CCSER1: variants seen among roughly 807,000 people sequenced by gnomAD.
CCSER1 encodes the protein coiled-coil serine rich protein 1.
A neutral mutation model predicts 82.0 loss-of-function variants in CCSER1; 41 were observed. The ratio of observed to expected loss-of-function variants is 0.50; its 90% CI spans 0.39 to 0.65. The LOEUF (loss-of-function observed/expected upper bound fraction) is 0.65. Among genes scored for constraint, CCSER1 ranks in the 30% least tolerant of loss-of-function variants. The pLI is 0.00. For synonymous variants in CCSER1, 414 were observed against 383.9 expected, an observed-to-expected ratio of 1.08 and a Z score of -0.92; for missense variants, 1,119 against 1,064.2, an observed-to-expected ratio of 1.05 and a Z score of -0.72.
chr4:91,395,335 A>G (rs1001621527), intron 10 of CCSER1, among the ~76,000 whole-genome samples: 5 of 152,102 alleles, frequency 3.3e-5, no homozygotes, highest in Admixed American at 6.6e-5. Context: ...ATGTGACTAT[A>G]TCAAGAGAGT....
chr4:91,550,832 G>A (rs1428644844), intron 10 of CCSER1, among the ~76,000 whole-genome samples: 1 of 152,138 alleles, frequency 6.6e-6, no homozygotes, highest in African/African-American at 2.4e-5. Context: ...CTCTGAATAT[G>A]CGCAAAGCAA....
intron 7 of CCSER1, among the ~76,000 whole-genome samples, chr4:90,759,281 G>A (rs1447379178): frequency 6.6e-6 from 1 of 152,194 alleles, no homozygotes; most frequent in Non-Finnish European, 1.5e-5. Context: ...CAAGAATGAC[G>A]TTTTATTTAT....
intron 10 of CCSER1, among the ~76,000 whole-genome samples, chr4:91,137,617 C>T (rs1728612650): frequency 7.0e-6 from 1 of 143,158 alleles, no homozygotes; most frequent in South Asian, 2.4e-4. Context: ...AACTAGTTTA[C>T]AGTCCCACCA....
At chr4:91,449,546 T>C (rs898814726) in intron 10 of CCSER1, among the ~76,000 whole-genome samples, 2 of 152,020 alleles carry the variant, frequency 1.3e-5, no homozygotes, top group Admixed American at 6.6e-5. Context: ...CTGAGCTCTG[T>C]TTAGGTTCCT....
intron 10 of CCSER1, among the ~76,000 whole-genome samples, chr4:91,286,339 A>G (rs1231730532): frequency 6.6e-6 from 1 of 151,858 alleles, no homozygotes; most frequent in East Asian, 1.9e-4. Flanking sequence ...AGGTTTGGTT[A>G]GTATTTTCCA....
intron 5 of CCSER1, among the ~76,000 whole-genome samples, chr4:90,496,971 C>CAAAAAAAAAAAAAAAAAA (rs771281710): frequency 4.0e-4 from 22 of 55,072 alleles, no homozygotes; most frequent in South Asian, 8.0e-4. Flanking sequence ...AGCGAGACTA[C>CAAAAAAAAAAAAAAAAAA]AAAAAAAAAA....
intron 7 of CCSER1, chr4:90,725,026 G>C (rs996373143): frequency 6.9e-6 from 3 of 437,474 alleles, no homozygotes; most frequent in African/African-American, 4.0e-5. Flanking sequence ...TTGTTAGAAG[G>C]CCCTTTCTAT....
At chr4:90,923,794 A>G (rs1203865977) in intron 9 of CCSER1, among the ~76,000 whole-genome samples, 1 of 152,244 alleles carries the variant, frequency 6.6e-6, no homozygotes, top group African/African-American at 2.4e-5. Flanking sequence ...TAAAGTTACT[A>G]TGTTTGTAAT....
chr4:90,352,758 T>G (rs1489691214), intron 3 of CCSER1, among the ~76,000 whole-genome samples: 1 of 152,084 alleles, frequency 6.6e-6, no homozygotes, highest in Non-Finnish European at 1.5e-5. Flanking sequence ...TGAATAACTG[T>G]TTTTCCTGTA....
chr4:90,516,616 A>ACC (rs1772311996), intron 5 of CCSER1, among the ~76,000 whole-genome samples: 1 of 152,162 alleles, frequency 6.6e-6, no homozygotes, highest in Admixed American at 6.5e-5. Flanking sequence ...TTCATCTCCT[A>ACC]ATGAGGCTGA....
intron 6 of CCSER1, among the ~76,000 whole-genome samples, chr4:90,685,645 A>G (rs906532926): frequency 3.3e-5 from 5 of 152,146 alleles, no homozygotes; most frequent in African/African-American, 1.2e-4. Context: ...CTTTCCATCA[A>G]TTTAGACAGT....
At chr4:91,209,875 A>G in intron 10 of CCSER1, among the ~76,000 whole-genome samples, 1 of 151,912 alleles carries the variant, frequency 6.6e-6, no homozygotes, top group South Asian at 2.1e-4. Flanking sequence ...ACATACCTAC[A>G]TACATATACT....
chr4:91,486,714 TCG>T (rs1758240231), intron 10 of CCSER1, among the ~76,000 whole-genome samples: 1 of 152,070 alleles, frequency 6.6e-6, no homozygotes, highest in Non-Finnish European at 1.5e-5. Context: ...GTTTGAGAGG[TCG>T]TGGATAGATT....
intron 8 of CCSER1, among the ~76,000 whole-genome samples, chr4:90,837,945 T>C (rs1053995630): frequency 6.6e-6 from 1 of 152,142 alleles, no homozygotes; most frequent in Non-Finnish European, 1.5e-5. Context: ...GGTGCTTAGT[T>C]TTTTTAGAAT....
chr4:91,082,815 C>T (rs1722926849), intron 9 of CCSER1, among the ~76,000 whole-genome samples: 1 of 152,174 alleles, frequency 6.6e-6, no homozygotes, highest in African/African-American at 2.4e-5. Context: ...AAAAAATGCT[C>T]ATCATCACTG....
At chr4:90,538,771 G>A (rs976294010) in intron 5 of CCSER1, among the ~76,000 whole-genome samples, 10 of 151,888 alleles carry the variant, frequency 6.6e-5, no homozygotes, top group South Asian at 6.2e-4. Context: ...TTGTCTCCAC[G>A]AGAGTTAATT....
chr4:91,496,742 TATATATTTGA>T lies in CCSER1; in HGVS notation c.2218-101823_2218-101814del, dbSNP rs1244881213. 1.0e-3 allele frequency among the ~76,000 whole-genome samples: 53 copies of T among 52,480 alleles called. 12 individuals carry two copies. The highest frequency in any genetic ancestry group is 1.7e-3 in the African/African-American group (30 of 18,128). The allele number at this position is 52,480 out of a possible 152,430, so 34.4% of individuals were successfully genotyped here. ...ATATAGAATATATATATATATTGAA[TATATATTTGA>T]ATATATATATATTCAATATATATTG... On this transcript the variant is annotated intron_variant, in intron 10 of 10. Transcript: ENST00000509176.
intron 10 of CCSER1, among the ~76,000 whole-genome samples, chr4:91,432,600 ATATCTC>A (rs1261578137): frequency 6.6e-6 from 1 of 152,140 alleles, no homozygotes; most frequent in Non-Finnish European, 1.5e-5. Flanking sequence ...GGTGAAAAAA[ATATCTC>A]TATGTAGATT....
At chr4:91,065,804 T>C (rs1720752822) in intron 9 of CCSER1, among the ~76,000 whole-genome samples, 1 of 152,138 alleles carries the variant, frequency 6.6e-6, no homozygotes, top group Non-Finnish European at 1.5e-5. Context: ...TTTCACCGAA[T>C]CATACTGAAA....
Sources: allele counts gnomAD v4.1 joint callset (sites outside exome capture counted in the v4.1 genomes callset), GRCh38; gene constraint gnomAD v4.1.1; transcripts MANE v1.5; gene names NCBI Gene and HGNC (gene_info 2026-07-23, HGNC 2026-07-21).